The following LDB3 variants were observed in gnomAD, a reference collection of about 807,000 sequenced individuals.
The protein encoded by LDB3 is LIM domain-binding protein 3.
Under a neutral mutation model 69.0 loss-of-function variants are expected in LDB3, and 49 were observed. That is an observed-to-expected ratio of 0.71 (90% confidence interval 0.56 to 0.90). LDB3 has a LOEUF of 0.90. Ranked by LOEUF, LDB3 falls within the 40% of genes least tolerant of loss-of-function variation. LDB3 has a pLI of 0.00. For synonymous variants in LDB3, 387 were observed against 396.2 expected (o/e 0.98, Z 0.28); for missense variants, 928 against 974.1 (o/e 0.95, Z 0.63).
intron 13 of LDB3, among the ~76,000 whole-genome samples, chr10:86,728,986 A>T (rs985695199): frequency 6.6e-6 from 1 of 151,992 alleles, no homozygotes; most frequent in African/African-American, 2.4e-5. Context: ...ATATTTCCAA[A>T]TCACTTTTGA....
intron 7 of LDB3, among the ~76,000 whole-genome samples, chr10:86,701,712 T>A (rs1211738711): frequency 6.6e-6 from 1 of 152,092 alleles, no homozygotes; most frequent in East Asian, 1.9e-4. Flanking sequence ...TCATCAGGAA[T>A]GGTTAGAATT....
In LDB3 at chr10:86,734,180, A is replaced by T. The variant is rs1271610043; in HGVS notation, c.*1204A>T. ...GTTAACTGCTGGAAGGGACAGATGC[A>T]CTGATATATATGCATTTGCTGTTTT... On this transcript the variant is annotated 3_prime_UTR_variant, in exon 14 of 14. Coordinates refer to ENST00000361373, the MANE Select transcript of LDB3 (RefSeq NM_007078.3). The T allele has an allele frequency of 9.2e-5, 14 of 152,312 alleles. No homozygotes were observed. Among genetic ancestry groups the T allele is most frequent in the Admixed American group, 8.5e-4 (13 of 15,294 alleles). 9.4% of individuals were successfully genotyped at this position (152,312 alleles called of 1,614,324 possible). A position where few individuals can be genotyped will look rare whatever the true frequency, so the allele number is the denominator to read the frequency against.
chr10:86,727,235 T>A (rs1176785224), intron 13 of LDB3, among the ~76,000 whole-genome samples: 1 of 152,080 alleles, frequency 6.6e-6, no homozygotes, highest in Non-Finnish European at 1.5e-5. Context: ...TTGGCCAGAC[T>A]GGTCTCAAAC....
At chr10:86,708,322 C>T (rs1339372296) in intron 8 of LDB3, among the ~76,000 whole-genome samples, 1 of 152,212 alleles carries the variant, frequency 6.6e-6, no homozygotes, top group Non-Finnish European at 1.5e-5. Context: ...CTCCGCTCCT[C>T]ACACATGGGC....
In LDB3 at chr10:86,709,948, G is replaced by C; in HGVS notation, c.1129G>C (p.Ala377Pro). The change falls in exon 9 of 14, where the codon GCA (alanine) becomes CCA (proline). Residue 377 changes from alanine (A) to proline (P), a missense_variant. By Grantham distance (27) the Ala-to-Pro change is conservative. Transcript: ENST00000361373. ...CAGCCCCGCAGTGGCCGCCTCTTCA[G>C]CACCTGCCACCCACACCAGCTACAG... Reference protein sequence around the residue: ...SYSPAVAASSAPATHTSYSEG... With the variant: ...SYSPAVAASSPPATHTSYSEG... 1 of 1,612,734 alleles carries C rather than the reference G, an allele frequency of 6.2e-7. No homozygotes were observed. Among genetic ancestry groups the C allele is most frequent in the African/African-American group, 1.3e-5 (1 of 75,062 alleles).
rs887593702 is a variant in LDB3, at chr10:86,733,354, C to T, written c.*378C>T. On this transcript the variant is annotated 3_prime_UTR_variant, in exon 14 of 14. Coordinates refer to ENST00000361373, the MANE Select transcript of LDB3 (RefSeq NM_007078.3). ...GCTGTGGAGAATCTGAAGCATTCTGCGGAGTTCTTAAGCGCTCCCCTGGCA... is the reference window on the plus strand; with the variant it reads ...GCTGTGGAGAATCTGAAGCATTCTGTGGAGTTCTTAAGCGCTCCCCTGGCA... The T allele has an allele frequency of 2.4e-5, 7 of 290,538 alleles. No individual in the cohort carries two copies. Among genetic ancestry groups the T allele is most frequent in the South Asian group, 3.5e-5 (1 of 28,836 alleles). The allele number at this position is 290,538 out of a possible 1,614,324, so 18.0% of individuals were successfully genotyped here.
At chr10:86,722,026 G>A (rs1213602631) in intron 12 of LDB3, among the ~76,000 whole-genome samples, 1 of 152,194 alleles carries the variant, frequency 6.6e-6, no homozygotes, top group Non-Finnish European at 1.5e-5. Context: ...TGTGGAAAAG[G>A]CCCATGCACA....
At chr10:86,678,545 G>A (rs1844934502) in intron 2 of LDB3, among the ~76,000 whole-genome samples, 1 of 151,564 alleles carries the variant, frequency 6.6e-6, no homozygotes, top group Admixed American at 6.6e-5. Flanking sequence ...TCACCATATT[G>A]GCCAGGCTGA....
At chr10:86,667,131 T>C (rs1427249098), upstream of LDB3, among the ~76,000 whole-genome samples, 1 of 152,124 alleles carries the variant, frequency 6.6e-6, no homozygotes, top group African/African-American at 2.4e-5. Flanking sequence ...ACAGGTCTTT[T>C]CCTGACTTCT....
chr10:86,718,721 C>T lies in LDB3; in HGVS notation c.1858-6C>T, dbSNP rs2132487012. On this transcript the variant is annotated splice_region_variant and splice_polypyrimidine_tract_variant and intron_variant, in intron 11 of 13. Coordinates refer to ENST00000361373, the MANE Select transcript of LDB3 (RefSeq NM_007078.3). ...TTCTGTCCTGAGCTTAGGCTCTTTC[C>T]CCCAGGAAGTAATGCATGCCTTGAG... The T allele has an allele frequency of 6.2e-7, 1 of 1,614,186 alleles. No homozygotes were observed. Among genetic ancestry groups the T allele is most frequent in the Non-Finnish European group, 8.5e-7 (1 of 1,180,032 alleles).
At chr10:86,685,484 C>CA (rs1845416140) in intron 5 of LDB3, among the ~76,000 whole-genome samples, 1 of 152,204 alleles carries the variant, frequency 6.6e-6, no homozygotes, top group Non-Finnish European at 1.5e-5. Flanking sequence ...GTCTCTGAAC[C>CA]AAACCGAGGG....
intron 7 of LDB3, among the ~76,000 whole-genome samples, chr10:86,693,698 G>A (rs1286105240): frequency 6.6e-6 from 1 of 152,172 alleles, no homozygotes; most frequent in African/African-American, 2.4e-5. Flanking sequence ...GAGAGTCCGC[G>A]ATGAAGTGAT....
Position 86,717,995 on chromosome 10 carries a change from T to A in LDB3, c.1708T>A (p.Trp570Arg). 6.2e-7 allele frequency: 1 copy of A among 1,614,196 alleles called. No homozygotes were observed. The highest frequency in any genetic ancestry group is 8.5e-7 in the Non-Finnish European group (1 of 1,180,016). The change falls in exon 11 of 14, where the codon TGG (tryptophan) becomes AGG (arginine). Residue 570 changes from tryptophan to arginine, a missense_variant. Coordinates refer to ENST00000361373, the MANE Select transcript of LDB3 (RefSeq NM_007078.3). ...GPFLVAMGRS[W>R]HPEEFTCAYC... ...ATTTCTGGTAGCCATGGGCCGTTCT[T>A]GGCACCCTGAAGAGTTCACCTGTGC...
intron 12 of LDB3, among the ~76,000 whole-genome samples, chr10:86,722,052 C>T (rs1485518920): frequency 6.6e-6 from 1 of 152,202 alleles, no homozygotes; most frequent in East Asian, 1.9e-4. Flanking sequence ...TGTTCGGTAC[C>T]AGCAATGTTC....
chr10:86,717,468 G>A (rs1370436753), intron 10 of LDB3, among the ~76,000 whole-genome samples: 2 of 152,196 alleles, frequency 1.3e-5, no homozygotes, highest in African/African-American at 4.8e-5. Flanking sequence ...TTGTATCCTG[G>A]TCTACCACTT....
At chr10:86,712,499 G>A (rs908630238) in intron 9 of LDB3, among the ~76,000 whole-genome samples, 19 of 152,072 alleles carry the variant, frequency 1.2e-4, no homozygotes, top group African/African-American at 4.1e-4. Flanking sequence ...AGCTCGTTTC[G>A]GCTAAGCAGT....
rs1405141514 is a variant in LDB3 at position 86,718,718 on chromosome 10, T to C, written c.1858-9T>C. On this transcript the variant is annotated splice_polypyrimidine_tract_variant and intron_variant, in intron 11 of 13. Coordinates refer to ENST00000361373, the MANE Select transcript of LDB3 (RefSeq NM_007078.3). ...CCTTTCTGTCCTGAGCTTAGGCTCT[T>C]TCCCCCAGGAAGTAATGCATGCCTT... 6.2e-7 allele frequency: 1 copy of C among 1,614,088 alleles called. No homozygotes were observed. The highest frequency in any genetic ancestry group is 8.5e-7 in the Non-Finnish European group (1 of 1,180,038).
At position 86,681,708 on chromosome 10, in the gene LDB3, C is replaced by T. The variant is rs1222899080; in HGVS notation, c.594C>T (p.Pro198=). ...GCCAGCCGAGGCAATATAACAACCC[C>T]ATTGGCCTGTACTCGGCAGAGACCC... The part of the protein sequence containing the change: ...GSSQPRQYNN[P]IGLYSAETLR... The change falls in exon 5 of 14, where the codon CCC becomes CCT. Residue 198 remains proline (P), a synonymous_variant. Transcript: ENST00000361373. The T allele has an allele frequency of 1.9e-6, 3 of 1,613,340 alleles. No homozygotes were observed. Among genetic ancestry groups the T allele is most frequent in the East Asian group, 2.2e-5 (1 of 44,876 alleles).
intron 13 of LDB3, among the ~76,000 whole-genome samples, chr10:86,728,793 G>A (rs1057297917): frequency 1.3e-5 from 2 of 151,994 alleles, no homozygotes; most frequent in Admixed American, 6.6e-5. Context: ...TCTTGGCCAG[G>A]CTGGTCTTGA....
Sources: allele counts gnomAD v4.1 joint callset (sites outside exome capture counted in the v4.1 genomes callset), GRCh38; gene constraint gnomAD v4.1.1; transcripts MANE v1.5; gene names NCBI Gene and HGNC (gene_info 2026-07-23, HGNC 2026-07-21).